Variants in PITPNC1 observed in about 807,000 individuals in gnomAD.
The protein encoded by PITPNC1 is cytoplasmic phosphatidylinositol transfer protein 1.
In PITPNC1, 18 loss-of-function variants were observed where a neutral mutation model predicts 44.7. The ratio of observed to expected loss-of-function variants is 0.40; its 90% CI spans 0.28 to 0.60. The LOEUF (loss-of-function observed/expected upper bound fraction) is 0.60. PITPNC1 is among the 20% of genes least tolerant of loss of function. PITPNC1 has a pLI of 0.39. For synonymous variants in PITPNC1, 141 were observed against 149.6 expected, an observed-to-expected ratio of 0.94 and a Z score of 0.42; for missense variants, 290 against 418.4, an observed-to-expected ratio of 0.69 and a Z score of 2.68.
At chr17:67,640,767 A>G (rs560728141) in intron 6 of PITPNC1, among the ~76,000 whole-genome samples, 20 of 151,788 alleles carry the variant, frequency 1.3e-4, no homozygotes, top group African/African-American at 4.8e-4. Context: ...AGGCAGGCAG[A>G]TTGCCTGAGC....
chr17:67,392,209 TC>T (rs1182658143), intron 1 of PITPNC1, among the ~76,000 whole-genome samples: 20 of 152,296 alleles, frequency 1.3e-4, no homozygotes, highest in African/African-American at 4.8e-4. Flanking sequence ...TTAAAATTCT[TC>T]CGGTGGAGGT....
intron 1 of PITPNC1, among the ~76,000 whole-genome samples, chr17:67,390,628 G>A (rs1174349078): frequency 1.3e-5 from 2 of 152,182 alleles, no homozygotes; most frequent in African/African-American, 4.8e-5. Context: ...TATTCTAAGG[G>A]TGGCTAACTG....
At chr17:67,424,302 C>T (rs946298137) in intron 1 of PITPNC1, among the ~76,000 whole-genome samples, 3 of 152,092 alleles carry the variant, frequency 2.0e-5, no homozygotes, top group Non-Finnish European at 4.4e-5. Context: ...GATGTAGGCA[C>T]TATGTCACCA....
intron 8 of PITPNC1, among the ~76,000 whole-genome samples, chr17:67,683,301 C>T (rs1276909849): frequency 6.6e-6 from 1 of 151,476 alleles, no homozygotes; most frequent in African/African-American, 2.4e-5. Flanking sequence ...ATCATCATTA[C>T]TGTATAATCT....
chr17:67,546,609 A>G (rs2040687611), intron 2 of PITPNC1, among the ~76,000 whole-genome samples: 1 of 152,162 alleles, frequency 6.6e-6, no homozygotes, highest in South Asian at 2.1e-4. Flanking sequence ...TTCTCAGCAC[A>G]CTGTCCACAT....
At chr17:67,544,147 G>A (rs149082255) in intron 2 of PITPNC1, among the ~76,000 whole-genome samples, 20 of 152,304 alleles carry the variant, frequency 1.3e-4, no homozygotes, top group African/African-American at 2.9e-4. Flanking sequence ...CACCACACCC[G>A]GCGTGTGCTT....
chr17:67,557,005 A>C (rs577770500), intron 4 of PITPNC1, among the ~76,000 whole-genome samples: 6 of 152,328 alleles, frequency 3.9e-5, no homozygotes, highest in African/African-American at 1.4e-4. Context: ...CTGAAGGGAC[A>C]GTACAACTCC....
At chr17:67,445,596 A>G (rs2039082908) in intron 1 of PITPNC1, among the ~76,000 whole-genome samples, 1 of 152,056 alleles carries the variant, frequency 6.6e-6, no homozygotes, top group African/African-American at 2.4e-5. Context: ...GTGCATTTAA[A>G]GAAACTGTTA....
At chr17:67,524,376 T>C (rs2040368531) in intron 1 of PITPNC1, 1 of 151,626 alleles carries the variant, frequency 6.6e-6, no homozygotes, top group Non-Finnish European at 1.5e-5. Flanking sequence ...GCACTGGGGG[T>C]CAAGGCTGCA....
At chr17:67,397,822 G>A (rs2038241729) in intron 1 of PITPNC1, among the ~76,000 whole-genome samples, 1 of 152,226 alleles carries the variant, frequency 6.6e-6, no homozygotes, top group East Asian at 1.9e-4. Flanking sequence ...GGCCAGGTGC[G>A]GTGGCTCACG....
chr17:67,591,455 G>A (rs949224699), intron 5 of PITPNC1, among the ~76,000 whole-genome samples: 3 of 152,126 alleles, frequency 2.0e-5, no homozygotes, highest in African/African-American at 4.8e-5. Flanking sequence ...AATTTTGATC[G>A]TTGTTTTGTA....
intron 5 of PITPNC1, among the ~76,000 whole-genome samples, chr17:67,583,171 G>A (rs2041257942): frequency 6.6e-6 from 1 of 152,206 alleles, no homozygotes; most frequent in Non-Finnish European, 1.5e-5. Context: ...CCAGCTGGCA[G>A]TGTGTGCAGT....
At chr17:67,649,604 G>A (rs1462852435) in intron 6 of PITPNC1, among the ~76,000 whole-genome samples, 1 of 152,142 alleles carries the variant, frequency 6.6e-6, no homozygotes. Context: ...CAGGCTATAG[G>A]CCGGGCACAG....
At chr17:67,526,068 G>A (rs923280145) in intron 1 of PITPNC1, among the ~76,000 whole-genome samples, 1 of 152,210 alleles carries the variant, frequency 6.6e-6, no homozygotes, top group African/African-American at 2.4e-5. Context: ...GGGAATCTAC[G>A]TTGCAAAGCC....
intron 1 of PITPNC1, among the ~76,000 whole-genome samples, chr17:67,509,948 C>G (rs1264010822): frequency 6.6e-6 from 1 of 152,190 alleles, no homozygotes; most frequent in Admixed American, 6.5e-5. Context: ...TAGAACACAG[C>G]CGGCTCAAAT....
At chr17:67,628,214 C>A (rs2041919176) in intron 5 of PITPNC1, among the ~76,000 whole-genome samples, 4 of 151,976 alleles carry the variant, frequency 2.6e-5, no homozygotes, top group Admixed American at 2.0e-4. Context: ...ACAGCCTATT[C>A]TTTTCTTTCT....
chr17:67,657,756 A>G (rs926223981), intron 6 of PITPNC1, among the ~76,000 whole-genome samples: 1 of 152,228 alleles, frequency 6.6e-6, no homozygotes, highest in Non-Finnish European at 1.5e-5. Flanking sequence ...GCAATCAGGA[A>G]CCACACATTG....
intron 6 of PITPNC1, among the ~76,000 whole-genome samples, chr17:67,640,685 G>GAA (rs71139165): frequency 3.1e-3 from 309 of 100,212 alleles, no homozygotes; most frequent in Non-Finnish European, 3.8e-3. Context: ...TGTTGAAAAA[G>GAA]AAAAAAAAAA....
At chr17:67,630,244 T>C (rs2041948625) in intron 5 of PITPNC1, among the ~76,000 whole-genome samples, 1 of 152,262 alleles carries the variant, frequency 6.6e-6, no homozygotes, top group Admixed American at 6.5e-5. Flanking sequence ...TGTTAACTGT[T>C]GATTCCCTCC....
Sources: allele counts gnomAD v4.1 joint callset (sites outside exome capture counted in the v4.1 genomes callset), GRCh38; gene constraint gnomAD v4.1.1; transcripts MANE v1.5; gene names NCBI Gene and HGNC (gene_info 2026-07-23, HGNC 2026-07-21).